The following DAB1 variants were observed in gnomAD, a reference collection of about 807,000 sequenced individuals.
DAB1 encodes DAB adaptor protein 1.
DAB1 carries 15 observed loss-of-function variants against 64.6 expected under a neutral mutation model. The ratio of observed to expected loss-of-function variants is 0.23; its 90% CI spans 0.16 to 0.36. The LOEUF (loss-of-function observed/expected upper bound fraction) is 0.36. Among genes scored for constraint, DAB1 ranks in the 10% least tolerant of loss-of-function variants. The pLI is 1.00. For missense variants in DAB1, 596 were observed against 706.7 expected (o/e 0.84, Z 1.78); for synonymous variants, 235 against 251.9 (o/e 0.93, Z 0.64).
intron 1 of DAB1, among the ~76,000 whole-genome samples, chr1:57,320,175 T>G (rs986216323): frequency 1.3e-5 from 2 of 152,180 alleles, no homozygotes; most frequent in Non-Finnish European, 2.9e-5. Flanking sequence ...GACTGTATTA[T>G]GGGGGGTGCC....
intron 5 of DAB1, among the ~76,000 whole-genome samples, chr1:57,072,079 A>C: frequency 6.6e-6 from 1 of 151,326 alleles, no homozygotes; most frequent in Non-Finnish European, 1.5e-5. Flanking sequence ...AAAAAAAAAA[A>C]AACAGAAAAA....
At chr1:57,393,834 A>G (rs974698209) in intron 1 of DAB1, among the ~76,000 whole-genome samples, 2 of 152,176 alleles carry the variant, frequency 1.3e-5, no homozygotes, top group Non-Finnish European at 2.9e-5. Flanking sequence ...TGCAACAGAG[A>G]CCATATATCC....
intron 1 of DAB1, among the ~76,000 whole-genome samples, chr1:57,408,116 G>C (rs11585862): frequency 0.084 from 12,766 of 152,220 alleles, 733 homozygotes; most frequent in Non-Finnish European, 0.13. Context: ...GGGACTGAGA[G>C]AGGGAACTGA....
At chr1:57,124,943 A>T (rs771190578) in intron 4 of DAB1, among the ~76,000 whole-genome samples, 1 of 149,478 alleles carries the variant, frequency 6.7e-6, no homozygotes, top group Non-Finnish European at 1.5e-5. Context: ...CCACCCCCCA[A>T]CCCCGGCCTC....
chr1:58,154,632 A>T (rs1030095063), intron 4 of DAB1, among the ~76,000 whole-genome samples: 3 of 152,128 alleles, frequency 2.0e-5, no homozygotes, highest in Non-Finnish European at 4.4e-5. Flanking sequence ...AGACTAAAGG[A>T]GGGTGACTGG....
rs74554501 is a variant in DAB1, at chr1:57,614,547, T to C, written n.625+35045A>G. 3.2e-3 allele frequency among the ~76,000 whole-genome samples: 486 copies of C among 152,358 alleles called. 3 individuals carry two copies. The highest frequency in any genetic ancestry group is 0.011 in the African/African-American group (467 of 41,584). ...TCCCTCCCACAAAAGCTAAATTTAA[T>C]CCATTAAAACATTTGTAAGGAGTAA... On this transcript the variant is annotated intron_variant and non_coding_transcript_variant, in intron 7 of 20. Transcript: ENST00000485760.
chr1:57,231,335 A>G (rs1350521804), intron 2 of DAB1, among the ~76,000 whole-genome samples: 10 of 152,190 alleles, frequency 6.6e-5, no homozygotes, highest in Admixed American at 5.2e-4. Flanking sequence ...TATATTTCTA[A>G]TACAGATATA....
At chr1:57,636,096 C>CAAAAAAAAA (rs61007751) in intron 7 of DAB1, among the ~76,000 whole-genome samples, 90 of 64,882 alleles carry the variant, frequency 1.4e-3, no homozygotes, top group African/African-American at 4.2e-3. Flanking sequence ...GACACGGTCT[C>CAAAAAAAAA]AAAAAAAAAA....
intron 1 of DAB1, among the ~76,000 whole-genome samples, chr1:57,421,905 GGGGGGGGGTGGC>G (rs1684925516): frequency 2.0e-5 from 2 of 100,432 alleles, no homozygotes; most frequent in Non-Finnish European, 4.3e-5. Context: ...GGGGTGGCGG[GGGGGGGGGTGGC>G]GGGGGGGGGT....
chr1:57,216,025 T>G (rs543219467), intron 2 of DAB1, among the ~76,000 whole-genome samples: 1 of 152,192 alleles, frequency 6.6e-6, no homozygotes, highest in African/African-American at 2.4e-5. Flanking sequence ...AAGGAACTAA[T>G]CAGAATTAAT....
intron 7 of DAB1, among the ~76,000 whole-genome samples, chr1:57,491,865 G>A (rs1318128431): frequency 6.6e-6 from 1 of 152,172 alleles, no homozygotes. Flanking sequence ...TTCTAGATAG[G>A]TGGGTCATGA....
At chr1:57,378,074 G>A (rs1681053815) in intron 1 of DAB1, among the ~76,000 whole-genome samples, 1 of 152,170 alleles carries the variant, frequency 6.6e-6, no homozygotes, top group Non-Finnish European at 1.5e-5. Flanking sequence ...AAATGAACCA[G>A]AGGCCAGAGG....
intron 4 of DAB1, among the ~76,000 whole-genome samples, chr1:58,214,943 T>C (rs1287060818): frequency 1.3e-5 from 2 of 152,136 alleles, no homozygotes; most frequent in African/African-American, 4.8e-5. Context: ...GATGGGGTTT[T>C]CCTTCCAGCA....
At chr1:58,004,147 TCA>T (rs1167031987) in intron 5 of DAB1, among the ~76,000 whole-genome samples, 2 of 152,048 alleles carry the variant, frequency 1.3e-5, no homozygotes, top group African/African-American at 2.4e-5. Flanking sequence ...GCAGAGTGAG[TCA>T]CAGTTTTCTG....
chr1:57,616,021 A>G lies in DAB1; in HGVS notation n.625+33571T>C, dbSNP rs537605225. ...AACTGCTGCTATCTACAAGCGCCCT[A>G]TAAGAATGGAGTGTGTCTGAGGGAA... On this transcript the variant is annotated intron_variant and non_coding_transcript_variant, in intron 7 of 20. Transcript: ENST00000485760. 1.1e-4 allele frequency among the ~76,000 whole-genome samples: 16 copies of G among 152,294 alleles called. No individual in the cohort carries two copies. The South Asian group carries it at 2.5e-3, about 24-fold the overall frequency.
At chr1:57,096,393 G>C (rs1346424706) in intron 4 of DAB1, among the ~76,000 whole-genome samples, 1 of 152,106 alleles carries the variant, frequency 6.6e-6, no homozygotes, top group African/African-American at 2.4e-5. Flanking sequence ...CACCGCAAGA[G>C]ATATATTTAA....
At chr1:57,094,196 C>A (rs1489062713) in intron 4 of DAB1, among the ~76,000 whole-genome samples, 2 of 149,236 alleles carry the variant, frequency 1.3e-5, no homozygotes, top group African/African-American at 2.5e-5. Flanking sequence ...AATGTGGTTT[C>A]TCTCACTTTT....
chr1:57,496,487 T>C (rs1170474470), intron 7 of DAB1, among the ~76,000 whole-genome samples: 2 of 152,166 alleles, frequency 1.3e-5, no homozygotes, highest in African/African-American at 4.8e-5. Context: ...AACAGGTTTA[T>C]AAAACACACT....
chr1:57,391,504 T>G (rs904421705), intron 1 of DAB1, among the ~76,000 whole-genome samples: 1 of 152,184 alleles, frequency 6.6e-6, no homozygotes, highest in Non-Finnish European at 1.5e-5. Context: ...CATCAACTAA[T>G]TAATGCTTCA....
Sources: gnomAD v4.1 joint callset for allele counts (sites outside exome capture counted in the v4.1 genomes callset) on GRCh38, gnomAD v4.1.1 for gene constraint, MANE v1.5 for transcripts, NCBI Gene and HGNC (gene_info 2026-07-23, HGNC 2026-07-21) for gene names.